Variants in PLEKHG1 observed in about 807,000 individuals in gnomAD.
The protein encoded by PLEKHG1 is pleckstrin homology domain-containing family G member 1.
Under a neutral mutation model 100.8 loss-of-function variants are expected in PLEKHG1, and 44 were observed. That is an observed-to-expected ratio of 0.44 (90% confidence interval 0.34 to 0.56). The LOEUF (loss-of-function observed/expected upper bound fraction) is 0.56, where lower values mean the gene tolerates loss of function less well. PLEKHG1 is among the 20% of genes least tolerant of loss of function. The pLI is 0.01. For missense variants in PLEKHG1, 1,545 were observed against 1,720.9 expected (o/e 0.90, Z 1.81); for synonymous variants, 640 against 662.5 (o/e 0.97, Z 0.52).
At chr6:150,759,488 C>T (rs1784039325) in intron 2 of PLEKHG1, among the ~76,000 whole-genome samples, 2 of 152,118 alleles carry the variant, frequency 1.3e-5, no homozygotes, top group Admixed American at 1.3e-4. Context: ...TTTGAAGTGA[C>T]CCTGTAGGGT....
chr6:150,737,657 C>A (rs1198913358), intron 2 of PLEKHG1, among the ~76,000 whole-genome samples: 2 of 152,116 alleles, frequency 1.3e-5, no homozygotes, highest in Non-Finnish European at 2.9e-5. Context: ...CTATTTCTAA[C>A]CTATTTGTAT....
intron 3 of PLEKHG1, among the ~76,000 whole-genome samples, chr6:150,782,975 A>G (rs1011857690): frequency 6.6e-6 from 1 of 152,194 alleles, no homozygotes; most frequent in African/African-American, 2.4e-5. Flanking sequence ...AGAACAGGAA[A>G]GAAAAGTACA....
rs1439750742 is a variant in PLEKHG1, at chr6:150,840,165, C to CAG, written c.3431_3432dup (p.Cys1145AspfsTer5). The CAG allele has an allele frequency of 6.2e-7, 1 of 1,614,196 alleles. No individual in the cohort carries two copies. The highest frequency in any genetic ancestry group is 1.7e-5 in the Admixed American group (1 of 60,024). ...CTCTGACCCTCTGCCAGGCTCTGTG[C>CAG]AGAGATGCAGCGTGGTAGTAAGTCA... On this transcript the variant is annotated frameshift_variant, in exon 16 of 16. Coordinates refer to ENST00000358517, the Ensembl canonical transcript of PLEKHG1. LOFTEE classifies it low-confidence loss of function (END_TRUNC).
chr6:150,794,744 A>G (rs1261029513), intron 4 of PLEKHG1, among the ~76,000 whole-genome samples: 1 of 151,956 alleles, frequency 6.6e-6, no homozygotes, highest in Admixed American at 6.6e-5. Flanking sequence ...TTAATTCAGA[A>G]TGATGGGGAA....
At chr6:150,705,001 C>T (rs1443262270) in intron 3 of PLEKHG1, among the ~76,000 whole-genome samples, 1 of 152,166 alleles carries the variant, frequency 6.6e-6, no homozygotes, top group African/African-American at 2.4e-5. Context: ...ATTCCACCTC[C>T]TTAAAGGGCT....
intron 10 of PLEKHG1, among the ~76,000 whole-genome samples, chr6:150,810,531 A>AAAGAAAGAAAGAAAGG (rs1232536262): frequency 9.7e-6 from 1 of 103,392 alleles, no homozygotes; most frequent in African/African-American, 3.3e-5. Context: ...AGAAAGAAAG[A>AAAGAAAGAAAGAAAGG]AAGAAAGGAA....
At chr6:150,696,828 C>T (rs755477677) in intron 3 of PLEKHG1, among the ~76,000 whole-genome samples, 16 of 152,116 alleles carry the variant, frequency 1.1e-4, no homozygotes, top group South Asian at 4.1e-4. Context: ...AACTATAGGG[C>T]CGGGCGCAGT....
chr6:150,822,468 G>A (rs974177398), intron 13 of PLEKHG1, among the ~76,000 whole-genome samples: 1 of 152,162 alleles, frequency 6.6e-6, no homozygotes, highest in African/African-American at 2.4e-5. Flanking sequence ...ACATGCAGAC[G>A]GATTTATGTG....
At chr6:150,633,658 C>G (rs558230818) in intron 1 of PLEKHG1, among the ~76,000 whole-genome samples, 29 of 152,154 alleles carry the variant, frequency 1.9e-4, no homozygotes, top group African/African-American at 6.5e-4. Context: ...TGACTGGGGT[C>G]AGAGATGAGG....
At chr6:150,612,130 C>T (rs915231812) in intron 1 of PLEKHG1, among the ~76,000 whole-genome samples, 6 of 145,490 alleles carry the variant, frequency 4.1e-5, no homozygotes, top group Non-Finnish European at 9.0e-5. Flanking sequence ...CCCTTTCCTG[C>T]CTTGTCCAGT....
intron 3 of PLEKHG1, among the ~76,000 whole-genome samples, chr6:150,702,974 C>T (rs1360420968): frequency 2.0e-5 from 3 of 152,276 alleles, no homozygotes; most frequent in Admixed American, 6.5e-5. Flanking sequence ...CTGAGTGGTA[C>T]CAATGCTTCT....
chr6:150,738,568 G>A (rs1271643720), intron 2 of PLEKHG1, among the ~76,000 whole-genome samples: 1 of 152,072 alleles, frequency 6.6e-6, no homozygotes, highest in African/African-American at 2.4e-5. Flanking sequence ...ACATATTTAG[G>A]TATCTTTCTT....
chr6:150,628,578 C>CACACACACACACACACA (rs1263436444), intron 1 of PLEKHG1, among the ~76,000 whole-genome samples: 4 of 32,130 alleles, frequency 1.2e-4, no homozygotes, highest in South Asian at 1.2e-3. Flanking sequence ...ACACACACAC[C>CACACACACACACACACA]CCGTCCTTGC....
At chr6:150,810,902 CAG>C in intron 10 of PLEKHG1, among the ~76,000 whole-genome samples, 1 of 150,516 alleles carries the variant, frequency 6.6e-6, no homozygotes, top group Non-Finnish European at 1.5e-5. Context: ...GCCTGGGTGA[CAG>C]AGCAAGATCC....
intron 14 of PLEKHG1, chr6:150,828,340 C>T (rs1398488885): frequency 5.4e-5 from 87 of 1,611,036 alleles, no homozygotes; most frequent in South Asian, 5.0e-4. Context: ...CTCAGTGCGG[C>T]GCTCTGTCCT....
At chr6:150,816,326 C>CTTGTTTTTTTTT (rs1775950366) in intron 10 of PLEKHG1, among the ~76,000 whole-genome samples, 1 of 41,106 alleles carries the variant, frequency 2.4e-5, no homozygotes, top group Non-Finnish European at 4.7e-5. Flanking sequence ...CTCAAACATA[C>CTTGTTTTTTTTT]TTTTTTTTTT....
rs187458873 is a variant in PLEKHG1 at position 150,721,202 on chromosome 6, T to C, written c.-99+2T>C. 8.4e-4 allele frequency: 822 copies of C among 982,094 alleles called. No homozygotes were observed. The highest frequency in any genetic ancestry group is 1.5e-3 in the Admixed American group (25 of 16,252). 60.8% of individuals were successfully genotyped at this position (982,094 alleles called of 1,614,324 possible). A position where few individuals can be genotyped will look rare whatever the true frequency, so the allele number is the denominator to read the frequency against. ...TGCTTAAGCCTGAGTGGAGCAGAGG[T>C]AGGTGCTAATGTGAGTGTCCCCAAA... On this transcript the variant is annotated splice_donor_variant, in intron 1 of 15. Transcript: ENST00000358517. LOFTEE classifies it low-confidence loss of function (5UTR_SPLICE).
At chr6:150,787,295 A>G (rs1384299896) in intron 4 of PLEKHG1, among the ~76,000 whole-genome samples, 1 of 152,176 alleles carries the variant, frequency 6.6e-6, no homozygotes, top group African/African-American at 2.4e-5. Flanking sequence ...AAATACAAGG[A>G]AAGGATTTGA....
intron 1 of PLEKHG1, among the ~76,000 whole-genome samples, chr6:150,621,939 A>G (rs959000762): frequency 6.6e-6 from 1 of 152,250 alleles, no homozygotes; most frequent in Non-Finnish European, 1.5e-5. Flanking sequence ...TGTTGCGTCC[A>G]GAACTGTTGT....
Sources: allele counts gnomAD v4.1 joint callset (sites outside exome capture counted in the v4.1 genomes callset), GRCh38; gene constraint gnomAD v4.1.1; transcripts MANE v1.5; gene names NCBI Gene and HGNC (gene_info 2026-07-23, HGNC 2026-07-21).